Variants in CDC42BPB observed in about 807,000 individuals in gnomAD.
The protein encoded by CDC42BPB is serine/threonine-protein kinase MRCK beta.
Under a neutral mutation model 214.9 loss-of-function variants are expected in CDC42BPB, and 37 were observed. The ratio of observed to expected loss-of-function variants is 0.17; its 90% CI spans 0.13 to 0.23. The LOEUF (loss-of-function observed/expected upper bound fraction) is 0.23. CDC42BPB is among the 10% of genes least tolerant of loss of function. The probability of loss-of-function intolerance (pLI) is 1.00; values close to 1 mark genes in which losing one functional copy is unlikely to be tolerated. For missense variants in CDC42BPB, 1,694 were observed against 2,227.0 expected (o/e 0.76, Z 4.82); for synonymous variants, 931 against 884.0 (o/e 1.05, Z -0.94).
chr14:102,941,246 C>T, intron 30 of CDC42BPB: 1 of 985,464 alleles, frequency 1.0e-6, no homozygotes, highest in Non-Finnish European at 1.2e-6. Context: ...AAGAGAGCTC[C>T]AGCTCAGTGC....
intron 29 of CDC42BPB, chr14:102,945,198 G>C: frequency 4.4e-6 from 2 of 456,298 alleles, no homozygotes; most frequent in South Asian, 1.6e-5. Flanking sequence ...GATTCCTTGA[G>C]GGATGCTCCC....
At chr14:103,051,494 T>C (rs1203954528) in intron 1 of CDC42BPB, among the ~76,000 whole-genome samples, 2 of 151,306 alleles carry the variant, frequency 1.3e-5, no homozygotes, top group African/African-American at 2.4e-5. Context: ...CTGTATTTAA[T>C]ATAGTTTGGA....
At chr14:103,054,522 C>T (rs1888831466) in intron 1 of CDC42BPB, among the ~76,000 whole-genome samples, 7 of 152,188 alleles carry the variant, frequency 4.6e-5, no homozygotes, top group Admixed American at 3.9e-4. Flanking sequence ...AAACATTATT[C>T]TGTGCTTTCC....
chr14:103,032,785 A>G (rs1475722815), intron 1 of CDC42BPB, among the ~76,000 whole-genome samples: 1 of 151,772 alleles, frequency 6.6e-6, no homozygotes, highest in African/African-American at 2.4e-5. Context: ...GGCATGCAGC[A>G]CCACGCCTGG....
intron 5 of CDC42BPB, among the ~76,000 whole-genome samples, chr14:102,997,853 G>T (rs1021563275): frequency 5.3e-5 from 8 of 152,206 alleles, no homozygotes; most frequent in African/African-American, 1.9e-4. Context: ...TTCTAATCAG[G>T]ATGACGTGGA....
intron 36 of CDC42BPB, among the ~76,000 whole-genome samples, chr14:102,935,796 T>C (rs1891626006): frequency 6.8e-6 from 1 of 147,932 alleles, no homozygotes; most frequent in Non-Finnish European, 1.5e-5. Context: ...ACATTAATTA[T>C]GAGGAATGTA....
At chr14:103,034,627 T>C (rs1418570305) in intron 1 of CDC42BPB, among the ~76,000 whole-genome samples, 3 of 152,126 alleles carry the variant, frequency 2.0e-5, no homozygotes, top group Admixed American at 1.3e-4. Context: ...GAGACCAACC[T>C]GGCCAACATG....
intron 21 of CDC42BPB, chr14:102,956,516 T>C (rs894714786): frequency 7.6e-6 from 4 of 526,832 alleles, no homozygotes; most frequent in Non-Finnish European, 9.7e-6. Context: ...CAACAATAAA[T>C]GCCTTCCCAT....
At chr14:103,018,198 T>G (rs1302889653) in intron 1 of CDC42BPB, among the ~76,000 whole-genome samples, 1 of 152,178 alleles carries the variant, frequency 6.6e-6, no homozygotes, top group Non-Finnish European at 1.5e-5. Context: ...CAGGTGGGAA[T>G]GCTCACTCAT....
At chr14:103,044,480 C>T (rs879836247) in intron 1 of CDC42BPB, among the ~76,000 whole-genome samples, 7 of 151,924 alleles carry the variant, frequency 4.6e-5, no homozygotes, top group Non-Finnish European at 1.0e-4. Flanking sequence ...GGCAATTCTC[C>T]CGCCTCAGCC....
At chr14:103,027,307 C>T (rs188090024) in intron 1 of CDC42BPB, among the ~76,000 whole-genome samples, 6 of 152,288 alleles carry the variant, frequency 3.9e-5, no homozygotes, top group Admixed American at 3.3e-4. Flanking sequence ...CCCGTCATTC[C>T]ACCCCTAGGT....
chr14:103,041,617 T>A, intron 1 of CDC42BPB: 1 of 773,020 alleles, frequency 1.3e-6, no homozygotes, highest in South Asian at 1.5e-5. Context: ...GCACACCGCG[T>A]TGGGACCCAT....
intron 1 of CDC42BPB, among the ~76,000 whole-genome samples, chr14:103,050,408 C>T (rs1245143515): frequency 6.6e-6 from 1 of 152,206 alleles, no homozygotes; most frequent in Non-Finnish European, 1.5e-5. Context: ...TGCTCAGAAC[C>T]TGGTTTACCC....
chr14:102,968,159 A>G (rs769819805), intron 16 of CDC42BPB, 94 bp downstream of exon 16: 28 of 804,128 alleles, frequency 3.5e-5, no homozygotes, highest in Non-Finnish European at 4.7e-5. Flanking sequence ...ATAAATATAT[A>G]TACCTACTAT....
At chr14:102,954,099 G>T in intron 23 of CDC42BPB, 99 bp downstream of exon 23, 1 of 854,450 alleles carries the variant, frequency 1.2e-6, no homozygotes, top group Non-Finnish European at 1.9e-6. Flanking sequence ...AAATGACTAA[G>T]TATGTTTTAT....
At chr14:103,055,958 G>A in intron 1 of CDC42BPB, among the ~76,000 whole-genome samples, 1 of 152,202 alleles carries the variant, frequency 6.6e-6, no homozygotes, top group South Asian at 2.1e-4. Context: ...CTGAACATAC[G>A]CATTTCCTCC....
rs1388766085 is a variant in CDC42BPB, at chr14:102,971,836, T to C, written c.1884+83A>G. ...AAATTTCTGACCCCTTTTACAGTAATGCAGCCCAAGATTTCAAAGACGTTT... is the reference window on the plus strand; with the variant it reads ...AAATTTCTGACCCCTTTTACAGTAACGCAGCCCAAGATTTCAAAGACGTTT... On this transcript the variant is annotated intron_variant, in intron 13 of 36. Transcript: ENST00000361246. 1.3e-5 allele frequency: 19 copies of C among 1,442,306 alleles called. No homozygotes were observed. In the South Asian group the frequency reaches 2.0e-4, roughly 15 times the overall value. 89.3% of individuals were successfully genotyped at this position (1,442,306 alleles called of 1,614,324 possible). A position where few individuals can be genotyped will look rare whatever the true frequency, so the allele number is the denominator to read the frequency against.
In CDC42BPB at chr14:103,057,533, G is replaced by T. The variant is rs34115549; in HGVS notation, c.-360C>A. 1.3e-5 allele frequency: 2 copies of T among 156,028 alleles called. No individual in the cohort carries two copies. Among genetic ancestry groups the T allele is most frequent in the Non-Finnish European group, 2.7e-5 (2 of 74,060 alleles). The allele number at this position is 156,028 out of a possible 1,614,324, so 9.7% of individuals were successfully genotyped here. On this transcript the variant is annotated 5_prime_UTR_variant, in exon 1 of 37. Coordinates refer to ENST00000361246, the MANE Select transcript of CDC42BPB (RefSeq NM_006035.4). ...GAGGAGCCTAGCGCTGCGCAAGCCCGGCCGGCGCCCGAGCCCGACCCCAGC... is the reference window on the plus strand; with the variant it reads ...GAGGAGCCTAGCGCTGCGCAAGCCCTGCCGGCGCCCGAGCCCGACCCCAGC...
In CDC42BPB at chr14:102,968,281, T is replaced by C. The variant is rs1310959186; in HGVS notation, c.2318A>G (p.Asn773Ser). 6.2e-7 allele frequency: 1 copy of C among 1,613,972 alleles called. No individual in the cohort carries two copies. Among genetic ancestry groups the C allele is most frequent in the Non-Finnish European group, 8.5e-7 (1 of 1,179,888 alleles). The change falls in exon 16 of 37, where the codon AAC (asparagine) becomes AGC (serine). Residue 773 changes from asparagine to serine, a missense_variant. Coordinates refer to ENST00000361246, the MANE Select transcript of CDC42BPB (RefSeq NM_006035.4). ...ERERAMLFDE[N>S]KKLTAENEKL... ...TTCATTTTCAGCAGTTAGCTTCTTG[T>C]TTTCATCAAACAGCATCGCTCTTTC...
Sources: allele counts gnomAD v4.1 joint callset (sites outside exome capture counted in the v4.1 genomes callset), GRCh38; gene constraint gnomAD v4.1.1; transcripts MANE v1.5; gene names NCBI Gene and HGNC (gene_info 2026-07-23, HGNC 2026-07-21).